The following PRMT8 variants were observed in gnomAD, a reference collection of about 807,000 sequenced individuals.
PRMT8 encodes protein arginine N-methyltransferase 8.
In PRMT8, 7 loss-of-function variants were observed where a neutral mutation model predicts 47.1. That is an observed-to-expected ratio of 0.15 (90% CI 0.08 to 0.28). PRMT8 has a LOEUF of 0.28. Among genes scored for constraint, PRMT8 ranks in the 10% least tolerant of loss-of-function variants. The pLI is 1.00. For missense variants in PRMT8, 237 were observed against 505.4 expected (o/e 0.47, Z 5.09); for synonymous variants, 188 against 186.5 (o/e 1.01, Z -0.07).
chr12:3,422,445 G>A (rs926521763), intron 1 of PRMT8, among the ~76,000 whole-genome samples: 1 of 152,164 alleles, frequency 6.6e-6, no homozygotes, highest in Admixed American at 6.5e-5. Flanking sequence ...TTATTCAGCT[G>A]GGAGTGTTGG....
chr12:3,451,477 G>A (rs1864918650), intron 1 of PRMT8, among the ~76,000 whole-genome samples: 1 of 152,146 alleles, frequency 6.6e-6, no homozygotes, highest in Non-Finnish European at 1.5e-5. Context: ...TGCTCAGCTT[G>A]AACAATGTTT....
chr12:3,458,367 C>CA (rs1864999255), intron 1 of PRMT8, among the ~76,000 whole-genome samples: 2 of 152,314 alleles, frequency 1.3e-5, no homozygotes, highest in South Asian at 4.1e-4. Context: ...CTGATGGGCA[C>CA]AGAGCTGTGC....
chr12:3,448,725 TA>T (rs1591552769), intron 1 of PRMT8, among the ~76,000 whole-genome samples: 1 of 152,230 alleles, frequency 6.6e-6, no homozygotes, highest in Non-Finnish European at 1.5e-5. Context: ...CAAATCTTTT[TA>T]AAAATTTTAT....
intron 1 of PRMT8, among the ~76,000 whole-genome samples, chr12:3,521,077 G>C (rs2137141199): frequency 6.6e-6 from 1 of 152,318 alleles, no homozygotes; most frequent in East Asian, 1.9e-4. Flanking sequence ...GATATCCCAA[G>C]GTGGTATTAA....
intron 8 of PRMT8, among the ~76,000 whole-genome samples, chr12:3,590,804 C>T (rs914927295): frequency 2.0e-5 from 3 of 152,094 alleles, no homozygotes; most frequent in South Asian, 4.1e-4. Context: ...GACATTTGCT[C>T]TTTGGGTTCT....
chr12:3,409,845 C>T lies in PRMT8; in HGVS notation c.48+28403C>T, dbSNP rs1388260749. ...GGAATCCACAGTGCCTCATCAGCTT[C>T]AGCACCAGGGGGTGTGATTGTTCTG... On this transcript the variant is annotated intron_variant, in intron 1 of 9. Coordinates refer to the PRMT8 transcript ENST00000452611. The surrounding 1 kb of genome is among the most constrained non-coding windows in gnomAD (Gnocchi z 4.4). Among the ~76,000 whole-genome samples, 2 of 152,170 alleles carry T rather than the reference C, an allele frequency of 1.3e-5. No homozygotes were observed. The highest frequency in any genetic ancestry group is 4.8e-5 in the African/African-American group (2 of 41,448).
chr12:3,587,958 G>C (rs75876592), intron 8 of PRMT8, among the ~76,000 whole-genome samples: 1 of 151,724 alleles, frequency 6.6e-6, no homozygotes, highest in Non-Finnish European at 1.5e-5. Flanking sequence ...TGGGCACGGT[G>C]CCCCCCCCAC....
intron 1 of PRMT8, among the ~76,000 whole-genome samples, chr12:3,399,860 G>A (rs1864299584): frequency 6.6e-6 from 1 of 152,236 alleles, no homozygotes; most frequent in Non-Finnish European, 1.5e-5. Context: ...GAGTGAGCAT[G>A]TGAGTCTGAT....
At chr12:3,402,336 T>G (rs1864325882) in intron 1 of PRMT8, among the ~76,000 whole-genome samples, 1 of 152,198 alleles carries the variant, frequency 6.6e-6, no homozygotes, top group Admixed American at 6.5e-5. Context: ...CAAGATGGAT[T>G]AAACACTTAA....
chr12:3,508,311 C>A lies in PRMT8; in HGVS notation c.75+16611C>A, dbSNP rs146871148. ...TGGGGATATGTACACGCTTCTGAGTCAGTAGGTGCGTCATGCAGGAGAACA... is the reference window on the plus strand; with the variant it reads ...TGGGGATATGTACACGCTTCTGAGTAAGTAGGTGCGTCATGCAGGAGAACA... On this transcript the variant is annotated intron_variant, in intron 1 of 9. Coordinates refer to ENST00000382622, the MANE Select transcript of PRMT8 (RefSeq NM_019854.5). This position sits in a 1 kb window ranked among gnomAD's most constrained non-coding sequence, Gnocchi z 4.9. Among the ~76,000 whole-genome samples the A allele has an allele frequency of 3.0e-3, 462 of 152,270 alleles. 4 individuals carry two copies. The highest frequency in any genetic ancestry group is 0.011 in the African/African-American group (439 of 41,538).
intron 1 of PRMT8, among the ~76,000 whole-genome samples, chr12:3,443,664 C>A (rs1381352716): frequency 6.6e-6 from 1 of 152,224 alleles, no homozygotes; most frequent in African/African-American, 2.4e-5. Flanking sequence ...CTGGAGTTAT[C>A]TTTATGAAGT....
chr12:3,543,418 C>G (rs1866268270), intron 2 of PRMT8, among the ~76,000 whole-genome samples: 1 of 152,180 alleles, frequency 6.6e-6, no homozygotes, highest in Non-Finnish European at 1.5e-5. Flanking sequence ...TGGTGATGCC[C>G]TTGCCTCCTT....
chr12:3,546,834 G>C lies in PRMT8; in HGVS notation c.262-3102G>C, dbSNP rs11062715. 2.6e-3 allele frequency among the ~76,000 whole-genome samples: 389 copies of C among 152,246 alleles called. 3 individuals are homozygous for C. The East Asian group carries it at 0.052, about 20-fold the overall frequency. ...TATGTAATGAGCCCAGTATAACTTT[G>C]ATTACCGAAGAAAAGGTAAGACAAA... On this transcript the variant is annotated intron_variant, in intron 2 of 9. Coordinates refer to ENST00000382622, the MANE Select transcript of PRMT8 (RefSeq NM_019854.5).
chr12:3,446,696 G>A (rs1037933540), intron 1 of PRMT8, among the ~76,000 whole-genome samples: 7 of 152,194 alleles, frequency 4.6e-5, no homozygotes, highest in African/African-American at 7.2e-5. Context: ...GGCAAATGCC[G>A]GAGTGTCTTT....
rs556939529 is a variant in PRMT8 at position 3,409,569 on chromosome 12, G to A, written c.48+28127G>A. On this transcript the variant is annotated intron_variant, in intron 1 of 9. Transcript: ENST00000452611. This position sits in a 1 kb window ranked among gnomAD's most constrained non-coding sequence, Gnocchi z 4.4. ...GGAGGTGGGGTGCTTCAGCAGCTCC[G>A]AATCTGGGGTGGCTAGTCTAGTTCC... 3.7e-5 allele frequency among the ~76,000 whole-genome samples: 5 copies of A among 134,348 alleles called. No homozygotes were observed. The highest frequency in any genetic ancestry group is 6.3e-5 in the Non-Finnish European group (4 of 63,390). The allele number at this position is 134,348 out of a possible 152,430, so 88.1% of individuals were successfully genotyped here.
intron 1 of PRMT8, among the ~76,000 whole-genome samples, chr12:3,469,912 C>G (rs1235564659): frequency 6.6e-6 from 1 of 152,132 alleles, no homozygotes; most frequent in Non-Finnish European, 1.5e-5. Flanking sequence ...CCCGCAGACA[C>G]ACACACAGCA....
intron 1 of PRMT8, among the ~76,000 whole-genome samples, chr12:3,437,009 C>T (rs1356751707): frequency 6.6e-6 from 1 of 152,178 alleles, no homozygotes; most frequent in Non-Finnish European, 1.5e-5. Context: ...TAAGGGTCCT[C>T]TTTTACCTTT....
chr12:3,592,164 C>T, intron 8 of PRMT8, 67 bp from the exon 9 acceptor site: 1 of 1,499,190 alleles, frequency 6.7e-7, no homozygotes, highest in South Asian at 1.4e-5. Flanking sequence ...AGGGTCCCAG[C>T]CTCATCCCTT....
intron 1 of PRMT8, among the ~76,000 whole-genome samples, chr12:3,506,594 C>G (rs1220907430): frequency 6.6e-6 from 1 of 152,178 alleles, no homozygotes; most frequent in African/African-American, 2.4e-5. Flanking sequence ...GCACTCCAGG[C>G]TCACTCCCAG....
Sources: allele counts gnomAD v4.1 joint callset (sites outside exome capture counted in the v4.1 genomes callset), GRCh38; gene constraint gnomAD v4.1.1; non-coding constraint Gnocchi (gnomAD v3.1); transcripts MANE v1.5; gene names NCBI Gene and HGNC (gene_info 2026-07-23, HGNC 2026-07-21).